RYR2: variants seen among roughly 807,000 people sequenced by gnomAD.
The protein encoded by RYR2 is cardiac muscle ryanodine receptor-calcium release channel.
A neutral mutation model predicts 601.1 loss-of-function variants in RYR2; 227 were observed. That is an observed-to-expected ratio of 0.38 (90% CI 0.34 to 0.42). The LOEUF (loss-of-function observed/expected upper bound fraction) is 0.42, where lower values mean the gene tolerates loss of function less well. RYR2 is among the 10% of genes least tolerant of loss of function. The pLI is 1.00. For missense variants in RYR2, 4,646 were observed against 6,156.5 expected (o/e 0.75, Z 8.21); for synonymous variants, 2,223 against 2,175.1 (o/e 1.02, Z -0.61).
intron 2 of RYR2, among the ~76,000 whole-genome samples, chr1:237,272,333 T>C (rs927917568): frequency 6.9e-6 from 1 of 145,026 alleles, no homozygotes; most frequent in African/African-American, 2.5e-5. Flanking sequence ...AAAAAAAAAA[T>C]AGAGGGGGGA....
chr1:237,100,393 C>CTG (rs1304972513), intron 1 of RYR2, among the ~76,000 whole-genome samples: 1 of 148,652 alleles, frequency 6.7e-6, no homozygotes, highest in Non-Finnish European at 1.5e-5. Context: ...TTTCTTTCCT[C>CTG]TCTCTCTCTC....
At chr1:237,493,646 G>A (rs1663674950) in intron 19 of RYR2, among the ~76,000 whole-genome samples, 1 of 152,028 alleles carries the variant, frequency 6.6e-6, no homozygotes, top group Admixed American at 6.5e-5. Context: ...TAGAGACAGG[G>A]TTTCACCGTG....
In RYR2 at chr1:237,784,407, G is replaced by A. The variant is rs770045417; in HGVS notation, c.12695G>A (p.Arg4232Lys). The change falls in exon 90 of 105, where the codon AGG (arginine) becomes AAG (lysine). Residue 4232 changes from arginine to lysine, a missense_variant. By Grantham distance (26) the Arg-to-Lys change is conservative (BLOSUM62 2). Around this residue, in one of 17 missense-constraint regions of RYR2, gnomAD observed 364 missense variants for 442.9 expected, o/e 0.82. Coordinates refer to ENST00000366574, the MANE Select transcript of RYR2 (RefSeq NM_001035.3). This position sits in a 1 kb window ranked among gnomAD's most constrained non-coding sequence, Gnocchi z 7.1. The part of the protein sequence containing the change: ...EKERPEEQGP[R>K]MAFFSILTVR... ...GAGAGGCCGGAAGAGCAGGGGCCGA[G>A]GATGGCTTTCTTCTCCATTCTGACG... 3 of 1,613,890 alleles carry A rather than the reference G, an allele frequency of 1.9e-6. No homozygotes were observed. The highest frequency in any genetic ancestry group is 2.2e-5 in the South Asian group (2 of 91,080).
intron 19 of RYR2, among the ~76,000 whole-genome samples, chr1:237,495,024 T>A (rs191256563): frequency 6.6e-6 from 1 of 151,960 alleles, no homozygotes; most frequent in Admixed American, 6.6e-5. Flanking sequence ...CTCCTGACCT[T>A]GTGATCCGCC....
chr1:237,069,271 G>T (rs1383472590), intron 1 of RYR2, among the ~76,000 whole-genome samples: 1 of 152,008 alleles, frequency 6.6e-6, no homozygotes, highest in East Asian at 1.9e-4. Context: ...CCACTCAGAG[G>T]TTTAGCAATA....
At chr1:237,178,705 C>G (rs983945891) in intron 1 of RYR2, among the ~76,000 whole-genome samples, 9 of 151,964 alleles carry the variant, frequency 5.9e-5, no homozygotes, top group Non-Finnish European at 8.8e-5. Context: ...GCTCCTTGGA[C>G]AGAGGTGGGA....
At chr1:237,380,932 G>T (rs897091288) in intron 8 of RYR2, among the ~76,000 whole-genome samples, 4 of 151,962 alleles carry the variant, frequency 2.6e-5, no homozygotes, top group African/African-American at 9.7e-5. Flanking sequence ...ACAAAAATTA[G>T]CCAGGCGTGG....
At position 237,614,393 on chromosome 1, in the gene RYR2, C is replaced by T; in HGVS notation, c.5265C>T (p.Thr1755=). 2 of 1,614,046 alleles carry T rather than the reference C, an allele frequency of 1.2e-6. No individual in the cohort carries two copies. Among genetic ancestry groups the T allele is most frequent in the Non-Finnish European group, 1.7e-6 (2 of 1,179,900 alleles). The change falls in exon 37 of 105, where the codon ACC becomes ACT. Residue 1755 remains threonine (T), a synonymous_variant. Transcript: ENST00000366574. The surrounding 1 kb of genome is among the most constrained non-coding windows in gnomAD (Gnocchi z 4.3). The stretch of plus-strand genomic sequence containing the variant: ...GCCTTCCAGGGATCGGCCTCAGCAC[C>T]TCCCTCAGGCCACGGATGCAGTTTT... The part of the protein sequence containing the change: ...KHGLPGIGLS[T]SLRPRMQFSS...
intron 82 of RYR2, among the ~76,000 whole-genome samples, chr1:237,758,557 G>GTATA (rs146166532): frequency 2.7e-4 from 41 of 151,396 alleles, no homozygotes; most frequent in Non-Finnish European, 5.3e-4. Context: ...GCATTTGTGC[G>GTATA]TATATATATA....
chr1:237,598,805 G>A (rs1474560450), intron 34 of RYR2, among the ~76,000 whole-genome samples: 7 of 151,950 alleles, frequency 4.6e-5, no homozygotes, highest in Non-Finnish European at 8.8e-5. Flanking sequence ...AATAAAAATT[G>A]GAACAATAAC....
At position 237,106,442 on chromosome 1, in the gene RYR2, G is replaced by A. The variant is rs1219394697; in HGVS notation, c.48+63873G>A. On this transcript the variant is annotated intron_variant, in intron 1 of 104. Coordinates refer to ENST00000366574, the MANE Select transcript of RYR2 (RefSeq NM_001035.3). The surrounding 1 kb of genome is among the most constrained non-coding windows in gnomAD (Gnocchi z 4.4). Reference sequence around the variant, plus strand: ...GGGTTGAGAGAGAGAAGGGGAGTCCGGATCATCCCAAGGTTTCTGGCAGAC... The same window carrying A: ...GGGTTGAGAGAGAGAAGGGGAGTCCAGATCATCCCAAGGTTTCTGGCAGAC... Among the ~76,000 whole-genome samples the A allele has an allele frequency of 6.6e-6, 1 of 152,100 alleles. No homozygotes were observed. Among genetic ancestry groups the A allele is most frequent in the African/African-American group, 2.4e-5 (1 of 41,396 alleles).
intron 1 of RYR2, among the ~76,000 whole-genome samples, chr1:237,069,574 G>A (rs1261908199): frequency 2.0e-5 from 3 of 151,942 alleles, no homozygotes; most frequent in African/African-American, 4.8e-5. Flanking sequence ...TATTTCCCAA[G>A]GAAAATGCTT....
intron 1 of RYR2, among the ~76,000 whole-genome samples, chr1:237,104,053 C>T (rs1039442825): frequency 2.0e-5 from 3 of 152,126 alleles, no homozygotes; most frequent in East Asian, 1.9e-4. Flanking sequence ...CAAAACCCGC[C>T]TTCACTGCAA....
At chr1:237,469,255 A>G in intron 17 of RYR2, 68 bp downstream of exon 17, 1 of 465,222 alleles carries the variant, frequency 2.1e-6, no homozygotes, top group South Asian at 3.1e-5. Flanking sequence ...GTATCCTTTA[A>G]GACAAAAAAA....
intron 48 of RYR2, among the ~76,000 whole-genome samples, chr1:237,646,079 A>AT (rs1682114765): frequency 6.6e-6 from 1 of 151,938 alleles, no homozygotes; most frequent in Admixed American, 6.5e-5. Context: ...GGGTTTCACC[A>AT]TGTTAGCCAG....
chr1:237,791,519 C>G lies in RYR2; in HGVS notation c.13563+4C>G. ...TTTCATCTTGCTCTTTTATAAGGTA[C>G]GTACATCTCACTGTTTTAATTACTG... On this transcript the variant is annotated splice_donor_region_variant and intron_variant, in intron 93 of 104. Coordinates refer to ENST00000366574, the MANE Select transcript of RYR2 (RefSeq NM_001035.3). 7.1e-7 allele frequency: 1 copy of G among 1,403,162 alleles called. No homozygotes were observed. The highest frequency in any genetic ancestry group is 9.9e-7 in the Non-Finnish European group (1 of 1,006,722). The allele number at this position is 1,403,162 out of a possible 1,614,324, so 86.9% of individuals were successfully genotyped here.
At chr1:237,328,900 A>G (rs943648340) in intron 2 of RYR2, among the ~76,000 whole-genome samples, 6 of 152,196 alleles carry the variant, frequency 3.9e-5, no homozygotes, top group South Asian at 2.1e-4. Context: ...TTTATGAAGA[A>G]AGCGTAACTT....
intron 80 of RYR2, among the ~76,000 whole-genome samples, chr1:237,750,916 A>G (rs916689892): frequency 6.6e-6 from 1 of 152,226 alleles, no homozygotes; most frequent in Non-Finnish European, 1.5e-5. Flanking sequence ...TTGGGACTGT[A>G]TCAAATACTT....
At chr1:237,331,512 C>CTTTTCTTTTCTTTTTTTTT (rs1553405491) in intron 3 of RYR2, among the ~76,000 whole-genome samples, 2 of 150,652 alleles carry the variant, frequency 1.3e-5, no homozygotes, top group African/African-American at 4.9e-5. Flanking sequence ...TTTTTCTTTT[C>CTTTTCTTTTCTTTTTTTTT]TTTTTTTTGA....
Sources: gnomAD v4.1 joint callset for allele counts (sites outside exome capture counted in the v4.1 genomes callset) on GRCh38, gnomAD v4.1.1 for gene constraint, gnomAD v4.1.1 regional missense constraint, Gnocchi (gnomAD v3.1) non-coding constraint, MANE v1.5 for transcripts, NCBI Gene and HGNC (gene_info 2026-07-23, HGNC 2026-07-21) for gene names.